The following CDNF variants were observed in gnomAD, a reference collection of about 807,000 sequenced individuals.
CDNF encodes cerebral dopamine neurotrophic factor, also known as ARMET-like protein 1.
CDNF carries 9 observed loss-of-function variants against 14.8 expected under a neutral mutation model. That is an observed-to-expected ratio of 0.61 (90% CI 0.37 to 1.06). CDNF has a LOEUF of 1.06. Among genes scored for constraint, CDNF ranks in the 50% least tolerant of loss-of-function variants. The pLI, the probability that CDNF is intolerant of heterozygous loss-of-function variation, is 0.01. For synonymous variants in CDNF, 86 were observed against 87.2 expected, an observed-to-expected ratio of 0.99 and a Z score of 0.07; for missense variants, 228 against 228.4, an observed-to-expected ratio of 1.00 and a Z score of 0.01.
At chr10:14,834,226 A>C (rs1452251594) in intron 1 of CDNF, 1 of 152,150 alleles carries the variant, frequency 6.6e-6, no homozygotes, top group African/African-American at 2.4e-5. Flanking sequence ...CCTGTAGTCC[A>C]GCTACTCAGG....
chr10:14,825,153 T>TC (rs71388198), intron 3 of CDNF, among the ~76,000 whole-genome samples: 152,084 of 152,086 alleles, frequency 1, 76,041 homozygotes, highest in Middle Eastern at 1. Context: ...AGACAGGGTT[T>TC]ACCATATTGG....
chr10:14,826,029 G>GGAGA (rs1833779001), intron 2 of CDNF, among the ~76,000 whole-genome samples: 2 of 86,114 alleles, frequency 2.3e-5, no homozygotes, highest in African/African-American at 5.2e-5. Context: ...GAAGAAGAAG[G>GGAGA]AGAAGAAGAA....
At chr10:14,837,580 A>G (rs947238485) in intron 1 of CDNF, among the ~76,000 whole-genome samples, 4 of 152,190 alleles carry the variant, frequency 2.6e-5, no homozygotes, top group African/African-American at 9.7e-5. Context: ...CTCTAATCCA[A>G]ATACAAACCC....
intron 1 of CDNF, among the ~76,000 whole-genome samples, chr10:14,836,701 G>A (rs1260638511): frequency 6.6e-6 from 1 of 152,230 alleles, no homozygotes; most frequent in Non-Finnish European, 1.5e-5. Context: ...GGAGGCTGAG[G>A]CGGGCCGATC....
At chr10:14,834,939 A>G (rs916481106) in intron 1 of CDNF, among the ~76,000 whole-genome samples, 5 of 152,124 alleles carry the variant, frequency 3.3e-5, no homozygotes, top group African/African-American at 9.7e-5. Context: ...GAGTAAGGAG[A>G]AAGGAGCAGG....
At chr10:14,826,737 A>G (rs184168275) in intron 2 of CDNF, among the ~76,000 whole-genome samples, 2 of 152,342 alleles carry the variant, frequency 1.3e-5, no homozygotes, top group Non-Finnish European at 2.9e-5. Flanking sequence ...ATGTCTCACA[A>G]CAATCCTGTG....
chr10:14,835,125 C>T (rs1833876200), intron 1 of CDNF, among the ~76,000 whole-genome samples: 2 of 152,140 alleles, frequency 1.3e-5, no homozygotes, highest in Admixed American at 1.3e-4. Context: ...GGTTTTTTGA[C>T]TGTGTTGATG....
At chr10:14,831,291 AGCTTCAGT>A (rs1398787641) in intron 1 of CDNF, among the ~76,000 whole-genome samples, 1 of 152,128 alleles carries the variant, frequency 6.6e-6, no homozygotes, top group African/African-American at 2.4e-5. Context: ...AGGTAAAGCC[AGCTTCAGT>A]GCTCCCTTCA....
chr10:14,833,099 A>G (rs997108396), intron 1 of CDNF, among the ~76,000 whole-genome samples: 1 of 152,026 alleles, frequency 6.6e-6, no homozygotes, highest in Admixed American at 6.6e-5. Context: ...ACCTTAGGTG[A>G]TCTGCCTGCC....
intron 2 of CDNF, among the ~76,000 whole-genome samples, chr10:14,827,453 T>C (rs1833808618): frequency 6.8e-6 from 1 of 147,954 alleles, no homozygotes; most frequent in South Asian, 2.1e-4. Flanking sequence ...GAAGAAAATA[T>C]AAATACTTTA....
At chr10:14,831,191 TCTC>T (rs1486598231) in intron 1 of CDNF, among the ~76,000 whole-genome samples, 1 of 152,082 alleles carries the variant, frequency 6.6e-6, no homozygotes, top group Non-Finnish European at 1.5e-5. Context: ...CTGCTCTCAC[TCTC>T]CTAACTTGGA....
chr10:14,825,207 C>G (rs1177788232), intron 3 of CDNF, among the ~76,000 whole-genome samples: 1 of 152,136 alleles, frequency 6.6e-6, no homozygotes, highest in Non-Finnish European at 1.5e-5. Flanking sequence ...CCGCCCGTCT[C>G]GGCCTCCCAA....
At chr10:14,828,516 G>A (rs189116320) in intron 1 of CDNF, among the ~76,000 whole-genome samples, 31 of 150,858 alleles carry the variant, frequency 2.1e-4, no homozygotes, top group South Asian at 2.1e-4. Context: ...GCATGGTGGC[G>A]CGTGCCTATA....
intron 1 of CDNF, chr10:14,834,274 G>T (rs1833868964): frequency 6.6e-6 from 1 of 151,976 alleles, no homozygotes; most frequent in African/African-American, 2.4e-5. Flanking sequence ...CTGGAAGACG[G>T]AAGTTGCAGT....
chr10:14,822,165 T>C (rs1833743122), intron 3 of CDNF, among the ~76,000 whole-genome samples: 1 of 152,216 alleles, frequency 6.6e-6, no homozygotes, highest in East Asian at 1.9e-4. Context: ...TCTCCAATGC[T>C]AGGGCTTTGG....
At chr10:14,828,386 C>T (rs1743292764) in intron 1 of CDNF, 114 bp from the exon 2 acceptor site, 2 of 944,650 alleles carry the variant, frequency 2.1e-6, no homozygotes, top group East Asian at 2.4e-5. Flanking sequence ...TGGTGGCTTA[C>T]CCCTGTAATC....
At position 14,837,864 on chromosome 10, in the gene CDNF, T is replaced by A. The variant is rs774209928; in HGVS notation, c.83A>T (p.Glu28Val). Reference sequence around the variant, plus strand: ...GTCGGCCCCTGGCCGCCCCCCGGCCTCCTGGCCCTGCGTCAGCACCGGGTG... The same window carrying A: ...GTCGGCCCCTGGCCGCCCCCCGGCCACCTGGCCCTGCGTCAGCACCGGGTG... ...VSHPVLTQGQEAGGRPGADCE... is the reference protein window; with the variant it reads ...VSHPVLTQGQVAGGRPGADCE... The change falls in exon 1 of 4, where the codon GAG becomes GTG. Residue 28 changes from glutamate to valine, a missense_variant. Coordinates refer to ENST00000465530, the MANE Select transcript of CDNF (RefSeq NM_001029954.3). 1.9e-6 allele frequency: 3 copies of A among 1,603,684 alleles called. No individual in the cohort carries two copies. The highest frequency in any genetic ancestry group is 2.7e-5 in the African/African-American group (2 of 74,938).
intron 1 of CDNF, among the ~76,000 whole-genome samples, 184 bp from the exon 2 acceptor site, chr10:14,828,456 G>A (rs886349169): frequency 9.9e-5 from 15 of 151,760 alleles, no homozygotes; most frequent in South Asian, 4.2e-4. Flanking sequence ...AGACCATCCC[G>A]GCCAACATGG....
At chr10:14,821,517 T>C (rs570341667) in intron 3 of CDNF, among the ~76,000 whole-genome samples, 1 of 152,328 alleles carries the variant, frequency 6.6e-6, no homozygotes, top group South Asian at 2.1e-4. Context: ...ATTTAGAGTA[T>C]ACAGGAGGGA....
Sources: gnomAD v4.1 joint callset for allele counts (sites outside exome capture counted in the v4.1 genomes callset) on GRCh38, gnomAD v4.1.1 for gene constraint, MANE v1.5 for transcripts, NCBI Gene and HGNC (gene_info 2026-07-23, HGNC 2026-07-21) for gene names.